Variants in SLC8B1 observed in about 807,000 individuals in gnomAD.
The protein encoded by SLC8B1 is mitochondrial sodium/calcium exchanger protein.
A neutral mutation model predicts 63.4 loss-of-function variants in SLC8B1; 52 were observed. The observed-to-expected ratio is 0.82, with a 90% confidence interval of 0.66 to 1.03. SLC8B1 has a LOEUF of 1.03. SLC8B1 is among the 50% of genes least tolerant of loss of function. The pLI is 0.00. For synonymous variants in SLC8B1, 336 were observed against 323.9 expected (o/e 1.04, Z -0.40); for missense variants, 657 against 741.7 (o/e 0.89, Z 1.33).
rs1351660299 is a variant in SLC8B1, at chr12:113,303,109, CGGT to C, written c.1557+1209_1557+1211del. ...ACACTTCCTAAACTCAGCACAAAGG[CGGT>C]GGACACACACACACACACACACACA... On this transcript the variant is annotated intron_variant, in intron 15 of 15. Transcript: ENST00000680972. Among the ~76,000 whole-genome samples the C allele has an allele frequency of 3.3e-5, 4 of 121,770 alleles. 1 individual carries two copies. The South Asian group carries it at 7.3e-4, about 22-fold the overall frequency. The allele number at this position is 121,770 out of a possible 152,430, so 79.9% of individuals were successfully genotyped here. A position where few individuals can be genotyped will look rare whatever the true frequency, so the allele number is the denominator to read the frequency against.
In SLC8B1 at chr12:113,321,271, C is replaced by G. The variant is rs564377365; in HGVS notation, c.234G>C (p.Gly78=). ...IRTNPDCHSD[G]GYLDYLEGIF... The stretch of plus-strand genomic sequence containing the variant: ...TGCCTTCCAGGTAGTCCAGGTACCC[C>G]CCATCACTGTGGCAGTCAGGGTTGG... The change falls in exon 3 of 16, where the codon GGG becomes GGC. Residue 78 remains glycine, a synonymous_variant. Coordinates refer to ENST00000680972, the MANE Select transcript of SLC8B1 (RefSeq NM_001358345.2). The G allele has an allele frequency of 1.2e-6, 2 of 1,614,150 alleles. No individual in the cohort carries two copies. The highest frequency in any genetic ancestry group is 2.2e-5 in the South Asian group (2 of 91,082).
rs1193395926 is a variant in SLC8B1 at position 113,320,449 on chromosome 12, T to C, written c.576A>G (p.Leu192=). The C allele has an allele frequency of 1.2e-6, 2 of 1,614,004 alleles. No individual in the cohort carries two copies. The highest frequency in any genetic ancestry group is 1.7e-5 in the Admixed American group (1 of 60,008). ...TTVVAGGITI[L]HPFMAASRPF... The stretch of plus-strand genomic sequence containing the variant: ...GCCTGGAGGCAGCCATGAAGGGGTG[T>C]AGGATGGTAATGCCTCCGGCCACCA... The change falls in exon 7 of 16, where the codon CTA becomes CTG. Residue 192 remains leucine, a synonymous_variant. Transcript: ENST00000680972. This position sits in a 1 kb window ranked among gnomAD's most constrained non-coding sequence, Gnocchi z 5.3.
intron 2 of SLC8B1, among the ~76,000 whole-genome samples, chr12:113,329,630 G>A (rs950043560): frequency 6.6e-6 from 1 of 152,114 alleles, no homozygotes; most frequent in East Asian, 1.9e-4. Context: ...ATTGCTCTGC[G>A]TCTGGGGGAG....
rs1390608762 is a variant in SLC8B1, at chr12:113,316,544, T to C, written c.975A>G (p.Lys325=). 6.2e-7 allele frequency: 1 copy of C among 1,614,056 alleles called. No homozygotes were observed. Among genetic ancestry groups the C allele is most frequent in the Non-Finnish European group, 8.5e-7 (1 of 1,180,012 alleles). ...MKWRRKSAYW[K]ALKVFKLPVE... is the part of the protein sequence containing the mutation. ...CTCCTACCTTGAACACCTTGAGGGCTTTCCAGTATGCTGATTTCCTTCTCC... is the reference window on the plus strand; with the variant it reads ...CTCCTACCTTGAACACCTTGAGGGCCTTCCAGTATGCTGATTTCCTTCTCC... The change falls in exon 10 of 16, where the codon AAA becomes AAG. Residue 325 remains lysine (K), a synonymous_variant. Transcript: ENST00000680972.
intron 10 of SLC8B1, 79 bp from the exon 11 acceptor site, chr12:113,315,555 C>T (rs1315643321): frequency 6.9e-7 from 1 of 1,447,420 alleles, no homozygotes; most frequent in Admixed American, 2.5e-5. Context: ...TTCAGTGACT[C>T]AAGAGCTCGG....
intron 2 of SLC8B1, among the ~76,000 whole-genome samples, chr12:113,327,851 G>A (rs879541261): frequency 1.1e-4 from 16 of 151,810 alleles, no homozygotes; most frequent in Non-Finnish European, 2.2e-4. Context: ...GGTGGCAGAT[G>A]TCTGTAATCG....
At chr12:113,303,067 C>A (rs796329174) in intron 15 of SLC8B1, among the ~76,000 whole-genome samples, 1 of 125,242 alleles carries the variant, frequency 8.0e-6, no homozygotes, top group African/African-American at 3.2e-5. Context: ...CACACACACA[C>A]ACGTACACAC....
intron 11 of SLC8B1, among the ~76,000 whole-genome samples, chr12:113,314,372 C>T (rs865835042): frequency 4.6e-5 from 7 of 152,364 alleles, no homozygotes; most frequent in African/African-American, 7.2e-5. Flanking sequence ...CACCAGAGTC[C>T]TACCCCCACC....
intron 2 of SLC8B1, among the ~76,000 whole-genome samples, chr12:113,328,452 T>G (rs1957021773): frequency 1.3e-5 from 2 of 152,170 alleles, no homozygotes. Context: ...AGGGGCTCTT[T>G]CTAATGTGCT....
intron 12 of SLC8B1, 23 bp downstream of exon 12, chr12:113,310,211 C>G: frequency 6.2e-7 from 1 of 1,609,794 alleles, no homozygotes. Context: ...CCCCCCCCAT[C>G]TCGGAGAACC....
chr12:113,302,480 T>C (rs186877435), intron 15 of SLC8B1: 1 of 346,190 alleles, frequency 2.9e-6, no homozygotes, highest in Non-Finnish European at 5.9e-6. Flanking sequence ...ATGGCAGCAC[T>C]AGGGAACTAA....
In SLC8B1 at chr12:113,299,726, G is replaced by C. The variant is rs1384757311; in HGVS notation, c.*51C>G. On this transcript the variant is annotated 3_prime_UTR_variant, in exon 16 of 16. Coordinates refer to ENST00000680972, the MANE Select transcript of SLC8B1 (RefSeq NM_001358345.2). Reference sequence around the variant, plus strand: ...CCGGTCCCTGGGCCTCCCCCGGCAGGAGGGGCGGGGCTCCTGCCTGCAGTG... The same window carrying C: ...CCGGTCCCTGGGCCTCCCCCGGCAGCAGGGGCGGGGCTCCTGCCTGCAGTG... 2.5e-6 allele frequency: 4 copies of C among 1,577,132 alleles called. No homozygotes were observed. Among genetic ancestry groups the C allele is most frequent in the Non-Finnish European group, 3.5e-6 (4 of 1,149,938 alleles).
intron 12 of SLC8B1, chr12:113,308,389 T>C (rs1956707016): frequency 1.3e-5 from 2 of 152,552 alleles, no homozygotes; most frequent in Admixed American, 6.5e-5. Context: ...CCCTTTCATA[T>C]ACTAAAAAAA....
intron 10 of SLC8B1, among the ~76,000 whole-genome samples, 158 bp from the exon 11 acceptor site, chr12:113,315,634 G>C (rs1956825471): frequency 6.6e-6 from 1 of 152,224 alleles, no homozygotes; most frequent in African/African-American, 2.4e-5. Flanking sequence ...CTGGCTACTG[G>C]GACAAATGAC....
chr12:113,310,525 T>C (rs746402787), intron 11 of SLC8B1, among the ~76,000 whole-genome samples, 170 bp from the exon 12 acceptor site: 6 of 152,132 alleles, frequency 3.9e-5, no homozygotes, highest in Non-Finnish European at 7.3e-5. Flanking sequence ...TTAGTCACAT[T>C]TGAAAGAAAA....
At chr12:113,314,344 T>C (rs914952370) in intron 11 of SLC8B1, among the ~76,000 whole-genome samples, 1 of 152,226 alleles carries the variant, frequency 6.6e-6, no homozygotes, top group African/African-American at 2.4e-5. Flanking sequence ...CACAACACCA[T>C]GCCCAGCCAT....
At chr12:113,314,545 AG>A (rs1364888664) in intron 11 of SLC8B1, among the ~76,000 whole-genome samples, 1 of 152,208 alleles carries the variant, frequency 6.6e-6, no homozygotes, top group Non-Finnish European at 1.5e-5. Context: ...AAGAAAGAAA[AG>A]GACATTCTGG....
Position 113,320,975 on chromosome 12 carries a change from A to T in SLC8B1, c.363-68T>A. 2 of 1,590,562 alleles carry T rather than the reference A, an allele frequency of 1.3e-6. No individual in the cohort carries two copies. The highest frequency in any genetic ancestry group is 1.7e-6 in the Non-Finnish European group (2 of 1,169,138). ...GCCCCGGACCCCTATCCTTCCCCCA[A>T]ACTGAGGGTGACCGAATGTCAGCCT... On this transcript the variant is annotated intron_variant, in intron 4 of 15. Coordinates refer to ENST00000680972, the MANE Select transcript of SLC8B1 (RefSeq NM_001358345.2). The surrounding 1 kb of genome is among the most constrained non-coding windows in gnomAD (Gnocchi z 5.3).
chr12:113,311,969 G>C (rs949757612), intron 11 of SLC8B1, among the ~76,000 whole-genome samples: 5 of 152,030 alleles, frequency 3.3e-5, no homozygotes, highest in Non-Finnish European at 5.9e-5. Context: ...CCACTCCTGT[G>C]CTAGAGAAAT....
Sources: gnomAD v4.1 joint callset for allele counts (sites outside exome capture counted in the v4.1 genomes callset) on GRCh38, gnomAD v4.1.1 for gene constraint, Gnocchi (gnomAD v3.1) non-coding constraint, MANE v1.5 for transcripts, NCBI Gene and HGNC (gene_info 2026-07-23, HGNC 2026-07-21) for gene names.